IGFBP2: variants seen among roughly 807,000 people sequenced by gnomAD.
The protein encoded by IGFBP2 is insulin like growth factor binding protein 2, also known as insulin-like growth factor-binding protein 2.
IGFBP2 carries 12 observed loss-of-function variants against 26.2 expected under a neutral mutation model. The observed-to-expected ratio is 0.46, with a 90% CI of 0.29 to 0.74. The LOEUF is 0.74. Ranked by LOEUF, IGFBP2 falls within the 30% of genes least tolerant of loss-of-function variation. The pLI is 0.09. For missense variants in IGFBP2, 328 were observed against 441.2 expected (o/e 0.74, Z 2.30); for synonymous variants, 189 against 200.6 (o/e 0.94, Z 0.49).
At chr2:216,652,399 C>G (rs1697845370) in intron 1 of IGFBP2, among the ~76,000 whole-genome samples, 1 of 152,222 alleles carries the variant, frequency 6.6e-6, no homozygotes, top group South Asian at 2.1e-4. Flanking sequence ...TGGTCTCGAA[C>G]TCCTGACCTC....
chr2:216,659,838 T>G (rs959901483), intron 1 of IGFBP2: 7 of 1,019,686 alleles, frequency 6.9e-6, no homozygotes, highest in African/African-American at 3.2e-5. Context: ...CAGACAGACT[T>G]GGGAACGAGG....
In IGFBP2 at chr2:216,661,891, G is replaced by A; in HGVS notation, c.706G>A (p.Glu236Lys). 6.2e-7 allele frequency: 1 copy of A among 1,614,176 alleles called. No individual in the cohort carries two copies. Among genetic ancestry groups the A allele is most frequent in the Middle Eastern group, 1.6e-4 (1 of 6,062 alleles). The change falls in exon 3 of 4, where the codon GAG (glutamate) becomes AAG (lysine). Residue 236 changes from glutamate (E) to lysine (K), a missense_variant. Physicochemically the swap from Glu to Lys is moderately conservative, Grantham distance 56 (BLOSUM62 1). Transcript: ENST00000233809. The part of the protein sequence containing the change: ...PCQQELDQVL[E>K]RISTMRLPDE... ...CCAACAGGAACTGGACCAGGTCCTG[G>A]AGCGGATCTCCACCATGCGCCTTCC... is the stretch of plus-strand genomic sequence containing the variant.
At chr2:216,663,827 C>T in intron 3 of IGFBP2, 113 bp from the exon 4 acceptor site, 2 of 1,130,850 alleles carry the variant, frequency 1.8e-6, no homozygotes, top group South Asian at 1.7e-5. Context: ...GAAGCTCCAC[C>T]CGGCAGCGCA....
At chr2:216,634,940 G>A (rs569222066) in intron 1 of IGFBP2, among the ~76,000 whole-genome samples, 35 of 139,006 alleles carry the variant, frequency 2.5e-4, no homozygotes, top group Admixed American at 1.9e-3. Flanking sequence ...GTGGTCGGGA[G>A]GAAGCTGTAA....
chr2:216,646,208 T>C (rs1302805154), intron 1 of IGFBP2, among the ~76,000 whole-genome samples: 1 of 152,164 alleles, frequency 6.6e-6, no homozygotes, highest in Non-Finnish European at 1.5e-5. Flanking sequence ...AGCAGAGTTA[T>C]GGGGATGGAG....
At chr2:216,639,520 C>T (rs371471424) in intron 1 of IGFBP2, among the ~76,000 whole-genome samples, 50 of 151,294 alleles carry the variant, frequency 3.3e-4, no homozygotes, top group Admixed American at 9.2e-4. Context: ...TGGTCCTTCC[C>T]GCGTACTAGA....
intron 1 of IGFBP2, among the ~76,000 whole-genome samples, chr2:216,636,353 C>A (rs1232060142): frequency 6.6e-6 from 1 of 152,110 alleles, no homozygotes; most frequent in South Asian, 2.1e-4. Flanking sequence ...TTCGAGGCAG[C>A]GAACCTCAGC....
upstream of IGFBP2, chr2:216,633,110 T>C (rs371844594): frequency 3.9e-5 from 6 of 152,384 alleles, no homozygotes; most frequent in African/African-American, 1.4e-4. Flanking sequence ...CGAACTGAAC[T>C]GAGAGCAGAC....
chr2:216,636,716 G>A lies in IGFBP2; in HGVS notation c.442+2751G>A, dbSNP rs1267679228. 2.6e-5 allele frequency among the ~76,000 whole-genome samples: 4 copies of A among 152,178 alleles called. No individual in the cohort carries two copies. In the South Asian group the frequency reaches 8.3e-4, roughly 32 times the overall value. Reference sequence around the variant, plus strand: ...TCAGGGTCGAGGAGGGAACAGGGTTGGGCCAGTCCAGGCCCTTTCAGAATT... The same window carrying A: ...TCAGGGTCGAGGAGGGAACAGGGTTAGGCCAGTCCAGGCCCTTTCAGAATT... On this transcript the variant is annotated intron_variant, in intron 1 of 3. Coordinates refer to ENST00000233809, the MANE Select transcript of IGFBP2 (RefSeq NM_000597.3).
At chr2:216,657,066 T>C (rs901431173) in intron 1 of IGFBP2, among the ~76,000 whole-genome samples, 1 of 152,192 alleles carries the variant, frequency 6.6e-6, no homozygotes, top group Admixed American at 6.5e-5. Context: ...TTTGTCTTTC[T>C]CATTTTGATC....
rs1553545481 is a variant in IGFBP2, at chr2:216,633,576, T to TGCCGCTGCC, written c.61_62insCGCCGCTGC (p.Leu20_Leu21insProProLeu). On this transcript the variant is annotated inframe_insertion, in exon 1 of 4. Coordinates refer to ENST00000233809, the MANE Select transcript of IGFBP2 (RefSeq NM_000597.3). ...CTGCCGCTGCCGCCGCCGCCGCTGC[T>TGCCGCTGCC]GCCGCTGCTGCTGCTGCTACTGGGC... 6.1e-5 allele frequency: 62 copies of TGCCGCTGCC among 1,013,750 alleles called. No individual in the cohort carries two copies. The highest frequency in any genetic ancestry group is 2.3e-4 in the Admixed American group (4 of 17,148). The allele number at this position is 1,013,750 out of a possible 1,614,324, so 62.8% of individuals were successfully genotyped here.
Position 216,662,129 on chromosome 2 carries a change from C to T in IGFBP2, c.813+131C>T, listed in dbSNP as rs2106208261. ...GAGTGAGAGACTCAGACTCCTGTCA[C>T]CATGGGGATTGGGATGCCAGCTGCC... On this transcript the variant is annotated intron_variant, in intron 3 of 3. Coordinates refer to ENST00000233809, the MANE Select transcript of IGFBP2 (RefSeq NM_000597.3). The T allele has an allele frequency of 2.3e-5, 25 of 1,068,432 alleles. 1 individual carries two copies. The South Asian group carries it at 3.9e-4, about 16-fold the overall frequency. The allele number at this position is 1,068,432 out of a possible 1,614,324, so 66.2% of individuals were successfully genotyped here. A position where few individuals can be genotyped will look rare whatever the true frequency, so the allele number is the denominator to read the frequency against.
intron 1 of IGFBP2, among the ~76,000 whole-genome samples, chr2:216,647,251 T>G (rs1697728493): frequency 6.6e-6 from 1 of 152,180 alleles, no homozygotes; most frequent in Non-Finnish European, 1.5e-5. Context: ...AAGCAGTGTC[T>G]TCCTTCCTAA....
rs570829097 is a variant in IGFBP2 at position 216,639,712 on chromosome 2, G to A, written c.442+5747G>A. On this transcript the variant is annotated intron_variant, in intron 1 of 3. Coordinates refer to ENST00000233809, the MANE Select transcript of IGFBP2 (RefSeq NM_000597.3). Reference sequence around the variant, plus strand: ...GGCTGGAGTGCAGTGGCGCAATCTCGGTTCACGGCAACCTCTGCCTCCCGA... The same window carrying A: ...GGCTGGAGTGCAGTGGCGCAATCTCAGTTCACGGCAACCTCTGCCTCCCGA... Among the ~76,000 whole-genome samples the A allele has an allele frequency of 2.6e-3, 397 of 152,072 alleles. 4 individuals carry two copies. Among genetic ancestry groups the A allele is most frequent in the African/African-American group, 9.0e-3 (372 of 41,464 alleles).
intron 1 of IGFBP2, among the ~76,000 whole-genome samples, chr2:216,640,747 G>GT (rs1697596073): frequency 1.3e-5 from 2 of 152,226 alleles, no homozygotes; most frequent in African/African-American, 4.8e-5. Context: ...GCTTTTGACC[G>GT]TATCAACCAG....
Position 216,638,722 on chromosome 2 carries a change from C to T in IGFBP2, c.442+4757C>T, listed in dbSNP as rs541794707. ...GTTCAATTTCTTTTTTTTTTTGAGA[C>T]GGAGACTCGCTCTCTTGCCCAGGCT... On this transcript the variant is annotated intron_variant, in intron 1 of 3. Coordinates refer to ENST00000233809, the MANE Select transcript of IGFBP2 (RefSeq NM_000597.3). 1.2e-4 allele frequency among the ~76,000 whole-genome samples: 18 copies of T among 150,686 alleles called. No individual in the cohort carries two copies. In the East Asian group the frequency reaches 1.6e-3, roughly 13 times the overall value.
intron 2 of IGFBP2, 67 bp downstream of exon 2, chr2:216,660,853 G>A (rs1225476494): frequency 7.9e-7 from 1 of 1,273,576 alleles, no homozygotes; most frequent in East Asian, 2.5e-5. Context: ...AGCTGGAGGA[G>A]GGCATCCTAA....
intron 1 of IGFBP2, among the ~76,000 whole-genome samples, chr2:216,649,115 A>C (rs531962847): frequency 6.6e-6 from 1 of 152,340 alleles, no homozygotes; most frequent in South Asian, 2.1e-4. Context: ...CATATATTGC[A>C]TCTATATGCA....
At chr2:216,640,396 T>C (rs1697587908) in intron 1 of IGFBP2, among the ~76,000 whole-genome samples, 1 of 152,130 alleles carries the variant, frequency 6.6e-6, no homozygotes, top group African/African-American at 2.4e-5. Flanking sequence ...CGGGAGATGA[T>C]GTTTGAATTC....
Sources: allele counts gnomAD v4.1 joint callset (sites outside exome capture counted in the v4.1 genomes callset), GRCh38; gene constraint gnomAD v4.1.1; transcripts MANE v1.5; gene names NCBI Gene and HGNC (gene_info 2026-07-23, HGNC 2026-07-21).